Variants in BBX observed in about 807,000 individuals in gnomAD.
BBX encodes the protein HMG box transcription factor BBX.
BBX carries 30 observed loss-of-function variants against 100.2 expected under a neutral mutation model. The ratio of observed to expected loss-of-function variants is 0.30; its 90% CI spans 0.22 to 0.41. The LOEUF (loss-of-function observed/expected upper bound fraction) is 0.41, where lower values mean the gene tolerates loss of function less well. Ranked by LOEUF, BBX falls within the 10% of genes least tolerant of loss-of-function variation. The pLI is 1.00. For synonymous variants in BBX, 376 were observed against 388.1 expected, an observed-to-expected ratio of 0.97 and a Z score of 0.37; for missense variants, 1,023 against 1,129.8, an observed-to-expected ratio of 0.91 and a Z score of 1.35.
chr3:107,705,392 G>A (rs2061335492), intron 3 of BBX, among the ~76,000 whole-genome samples: 1 of 152,104 alleles, frequency 6.6e-6, no homozygotes, highest in African/African-American at 2.4e-5. Flanking sequence ...GTATACTAAT[G>A]TTTTAATGAT....
chr3:107,804,820 T>C (rs1184195091), intron 17 of BBX, among the ~76,000 whole-genome samples: 1 of 152,038 alleles, frequency 6.6e-6, no homozygotes, highest in African/African-American at 2.4e-5. Flanking sequence ...TCCTTTTTTT[T>C]TTTTTGGAGT....
chr3:107,736,312 C>CTTTAATCAGTAAAGATTACTGA (rs2063631770), intron 7 of BBX, among the ~76,000 whole-genome samples: 2 of 152,000 alleles, frequency 1.3e-5, no homozygotes, highest in African/African-American at 4.8e-5. Context: ...AAATGTAGTT[C>CTTTAATCAGTAAAGATTACTGA]TTTAATCAGT....
chr3:107,592,709 A>T (rs965182245), intron 2 of BBX, among the ~76,000 whole-genome samples: 1 of 152,172 alleles, frequency 6.6e-6, no homozygotes, highest in Non-Finnish European at 1.5e-5. Flanking sequence ...CAAATTTTTC[A>T]AATAAGTATG....
intron 15 of BBX, among the ~76,000 whole-genome samples, chr3:107,791,923 C>G (rs2069098444): frequency 6.6e-6 from 1 of 152,174 alleles, no homozygotes. Flanking sequence ...GTTGCTTGAA[C>G]CCGGGAGGCG....
intron 4 of BBX, among the ~76,000 whole-genome samples, chr3:107,715,482 C>G (rs1170006889): frequency 6.6e-6 from 1 of 152,156 alleles, no homozygotes; most frequent in East Asian, 1.9e-4. Context: ...GATACTTAAC[C>G]TGCAATTTGT....
At chr3:107,569,386 TTTA>T (rs1417385371) in intron 2 of BBX, among the ~76,000 whole-genome samples, 1 of 152,140 alleles carries the variant, frequency 6.6e-6, no homozygotes, top group Non-Finnish European at 1.5e-5. Context: ...TTTTTTATTT[TTTA>T]TTTTTTTAAT....
intron 7 of BBX, among the ~76,000 whole-genome samples, chr3:107,741,639 A>G (rs767737912): frequency 3.9e-5 from 6 of 152,218 alleles, no homozygotes; most frequent in Non-Finnish European, 5.9e-5. Context: ...TTGTATTTAG[A>G]AAGTAAACTG....
At chr3:107,598,134 C>T (rs2053794216) in intron 2 of BBX, among the ~76,000 whole-genome samples, 1 of 152,138 alleles carries the variant, frequency 6.6e-6, no homozygotes, top group Non-Finnish European at 1.5e-5. Flanking sequence ...AGTTTGAAGA[C>T]TATTGTGATA....
At chr3:107,571,813 T>C (rs954500702) in intron 2 of BBX, among the ~76,000 whole-genome samples, 4 of 152,022 alleles carry the variant, frequency 2.6e-5, no homozygotes, top group African/African-American at 4.8e-5. Flanking sequence ...GAAAAGAGAG[T>C]CAGCCTCCTG....
chr3:107,694,404 AG>A (rs1404158297), intron 3 of BBX, among the ~76,000 whole-genome samples: 2 of 144,866 alleles, frequency 1.4e-5, no homozygotes, highest in Non-Finnish European at 3.0e-5. Flanking sequence ...TTTAGCATGA[AG>A]GGTTGTTGAA....
chr3:107,688,732 T>C (rs1189764658), intron 3 of BBX, among the ~76,000 whole-genome samples: 1 of 152,230 alleles, frequency 6.6e-6, no homozygotes, highest in Non-Finnish European at 1.5e-5. Flanking sequence ...CCAACTCATA[T>C]TTTATAATCA....
intron 10 of BBX, among the ~76,000 whole-genome samples, chr3:107,764,909 AG>A (rs369325036): frequency 5.3e-5 from 8 of 152,206 alleles, no homozygotes; most frequent in African/African-American, 1.9e-4. Flanking sequence ...ACCCCACTAC[AG>A]TGTTGATGAG....
intron 2 of BBX, among the ~76,000 whole-genome samples, chr3:107,591,516 C>G (rs186416155): frequency 1.3e-5 from 2 of 152,174 alleles, no homozygotes; most frequent in Non-Finnish European, 2.9e-5. Flanking sequence ...TGAGACACTT[C>G]TCACTCTGTG....
In BBX at chr3:107,641,385, G is replaced by A. The variant is rs145536922; in HGVS notation, c.-83-4451G>A. ...TAGGCGTCAGCCACCAAGCCTTGCC[G>A]GTCATTTTTAAAAATAACTTTATTC... On this transcript the variant is annotated intron_variant, in intron 2 of 17. Transcript: ENST00000325805. Among the ~76,000 whole-genome samples the A allele has an allele frequency of 7.8e-3, 1,183 of 152,114 alleles. 10 individuals are homozygous for A. The highest frequency in any genetic ancestry group is 0.016 in the Admixed American group (248 of 15,268).
intron 2 of BBX, among the ~76,000 whole-genome samples, chr3:107,623,810 T>A (rs1489759702): frequency 6.6e-6 from 1 of 152,216 alleles, no homozygotes; most frequent in Non-Finnish European, 1.5e-5. Flanking sequence ...GGTTGGGCAC[T>A]GTACAGGGTG....
intron 2 of BBX, among the ~76,000 whole-genome samples, chr3:107,619,921 A>G (rs1286112082): frequency 1.3e-5 from 2 of 152,108 alleles, no homozygotes; most frequent in Non-Finnish European, 2.9e-5. Flanking sequence ...GTCTTGGTAT[A>G]TATGTTTCTT....
At chr3:107,633,294 A>T (rs936056775) in intron 2 of BBX, among the ~76,000 whole-genome samples, 1 of 152,144 alleles carries the variant, frequency 6.6e-6, no homozygotes, top group African/African-American at 2.4e-5. Flanking sequence ...AGCTAAATAT[A>T]TAATAGTTGA....
At chr3:107,628,675 A>G (rs1362384033) in intron 2 of BBX, among the ~76,000 whole-genome samples, 1 of 152,176 alleles carries the variant, frequency 6.6e-6, no homozygotes, top group Non-Finnish European at 1.5e-5. Flanking sequence ...AACCAAACAT[A>G]AAATAGGTGT....
chr3:107,643,616 C>T (rs983797855), intron 2 of BBX, among the ~76,000 whole-genome samples: 1 of 151,994 alleles, frequency 6.6e-6, no homozygotes. Flanking sequence ...GCGTTGGTCT[C>T]AGGGCTCATT....
Sources: allele counts gnomAD v4.1 joint callset (sites outside exome capture counted in the v4.1 genomes callset), GRCh38; gene constraint gnomAD v4.1.1; transcripts MANE v1.5; gene names NCBI Gene and HGNC (gene_info 2026-07-23, HGNC 2026-07-21).